Variants in TMEM132B observed in about 807,000 individuals in gnomAD.
TMEM132B encodes the protein transmembrane protein 132B.
In TMEM132B, 18 loss-of-function variants were observed where a neutral mutation model predicts 90.8. The observed-to-expected ratio is 0.20, with a 90% CI of 0.14 to 0.29. TMEM132B has a LOEUF of 0.29. TMEM132B is among the 10% of genes least tolerant of loss of function. The pLI, the probability that TMEM132B is intolerant of heterozygous loss-of-function variation, is 1.00. For missense variants in TMEM132B, 1,096 were observed against 1,326.8 expected, an observed-to-expected ratio of 0.83 and a Z score of 2.70; for synonymous variants, 504 against 523.3, an observed-to-expected ratio of 0.96 and a Z score of 0.50.
chr12:125,476,260 A>G (rs1038101352), intron 3 of TMEM132B, among the ~76,000 whole-genome samples: 3 of 152,162 alleles, frequency 2.0e-5, no homozygotes, highest in East Asian at 1.9e-4. Context: ...CACCACCTCT[A>G]TTGAGTTCCA....
intron 5 of TMEM132B, among the ~76,000 whole-genome samples, chr12:125,606,220 A>G (rs778025894): frequency 2.0e-5 from 3 of 152,308 alleles, no homozygotes; most frequent in Non-Finnish European, 4.4e-5. Context: ...ATGACTCTCC[A>G]TGAGTTAAAA....
chr12:125,510,384 A>G (rs1316737810), intron 3 of TMEM132B, among the ~76,000 whole-genome samples: 1 of 152,240 alleles, frequency 6.6e-6, no homozygotes, highest in Non-Finnish European at 1.5e-5. Context: ...AGAAGACTCT[A>G]ACATCCTTTT....
chr12:125,574,114 T>G (rs1855905571), intron 4 of TMEM132B, among the ~76,000 whole-genome samples: 1 of 152,132 alleles, frequency 6.6e-6, no homozygotes, highest in Admixed American at 6.5e-5. Context: ...ATGACCTTGT[T>G]TGGGCATCTC....
At chr12:125,497,001 G>A (rs11058207) in intron 3 of TMEM132B, among the ~76,000 whole-genome samples, 1 of 152,286 alleles carries the variant, frequency 6.6e-6, no homozygotes, top group East Asian at 1.9e-4. Flanking sequence ...CTCTAACATG[G>A]TTGATGAAAT....
intron 4 of TMEM132B, among the ~76,000 whole-genome samples, chr12:125,534,580 T>G (rs1177565205): frequency 6.6e-6 from 1 of 151,928 alleles, no homozygotes; most frequent in African/African-American, 2.4e-5. Context: ...AACAAAACAG[T>G]AAACAAAAAT....
At chr12:125,478,203 C>G (rs1312431002) in intron 3 of TMEM132B, among the ~76,000 whole-genome samples, 1 of 152,120 alleles carries the variant, frequency 6.6e-6, no homozygotes, top group Non-Finnish European at 1.5e-5. Context: ...CCAGAGCGCC[C>G]CTTCTCCTCC....
At chr12:125,212,888 T>G (rs1873351835) in intron 1 of TMEM132B, among the ~76,000 whole-genome samples, 2 of 152,180 alleles carry the variant, frequency 1.3e-5, no homozygotes, top group African/African-American at 4.8e-5. Context: ...AGGGTCTAAC[T>G]GTTTCACTTC....
chr12:125,506,054 GAT>G (rs1882841133), intron 3 of TMEM132B, among the ~76,000 whole-genome samples: 1 of 152,340 alleles, frequency 6.6e-6, no homozygotes, highest in African/African-American at 2.4e-5. Flanking sequence ...CATACAAAGA[GAT>G]ATATATGAAT....
At chr12:125,216,622 T>A (rs944295804) in intron 1 of TMEM132B, among the ~76,000 whole-genome samples, 1 of 152,188 alleles carries the variant, frequency 6.6e-6, no homozygotes, top group Non-Finnish European at 1.5e-5. Flanking sequence ...GTGGCCTGAT[T>A]CTCTCTGCTC....
intron 5 of TMEM132B, among the ~76,000 whole-genome samples, chr12:125,608,385 G>A (rs775014943): frequency 9.9e-5 from 15 of 152,122 alleles, no homozygotes; most frequent in Non-Finnish European, 1.5e-5. Flanking sequence ...TTGGAAAAAT[G>A]TCTATTGAGG....
chr12:125,546,079 A>G (rs1884082017), intron 4 of TMEM132B, among the ~76,000 whole-genome samples: 1 of 152,186 alleles, frequency 6.6e-6, no homozygotes, highest in Admixed American at 6.5e-5. Flanking sequence ...AAATAAAGAA[A>G]CAGAACATAC....
At chr12:125,191,604 C>G (rs576521745) in intron 1 of TMEM132B, among the ~76,000 whole-genome samples, 5 of 152,172 alleles carry the variant, frequency 3.3e-5, no homozygotes, top group African/African-American at 9.7e-5. Context: ...TAGCCTTTGC[C>G]GAGTCTTTCA....
intron 1 of TMEM132B, among the ~76,000 whole-genome samples, chr12:125,265,330 C>T (rs1386629477): frequency 6.8e-6 from 1 of 147,972 alleles, no homozygotes; most frequent in Non-Finnish European, 1.5e-5. Context: ...TACATACATA[C>T]CTATGATAAA....
chr12:125,536,791 T>C (rs1273912740), intron 4 of TMEM132B, among the ~76,000 whole-genome samples: 2 of 152,168 alleles, frequency 1.3e-5, no homozygotes, highest in Non-Finnish European at 2.9e-5. Context: ...CCTGTGGATA[T>C]GTTTCCTCAC....
intron 4 of TMEM132B, among the ~76,000 whole-genome samples, chr12:125,533,517 C>T (rs1592979249): frequency 6.6e-6 from 1 of 152,246 alleles, no homozygotes. Context: ...CAGAGCCCAG[C>T]AAGTCTTTCT....
At chr12:125,368,330 A>T (rs1878193367) in intron 2 of TMEM132B, among the ~76,000 whole-genome samples, 1 of 152,188 alleles carries the variant, frequency 6.6e-6, no homozygotes, top group Non-Finnish European at 1.5e-5. Flanking sequence ...GAGGTTGTGC[A>T]TAATTTTAAT....
chr12:125,532,225 C>T (rs936292205), intron 4 of TMEM132B, among the ~76,000 whole-genome samples: 1 of 152,060 alleles, frequency 6.6e-6, no homozygotes, highest in Non-Finnish European at 1.5e-5. Flanking sequence ...TAAGCAAGTT[C>T]GGGAAAGAAA....
intron 5 of TMEM132B, among the ~76,000 whole-genome samples, chr12:125,607,094 G>A (rs567245883): frequency 1.3e-5 from 2 of 152,276 alleles, no homozygotes; most frequent in African/African-American, 2.4e-5. Flanking sequence ...TACAGCCTGC[G>A]TATGCTCTGA....
At chr12:125,447,942 A>G (rs1881048712) in intron 3 of TMEM132B, among the ~76,000 whole-genome samples, 1 of 152,134 alleles carries the variant, frequency 6.6e-6, no homozygotes, top group Admixed American at 6.6e-5. Flanking sequence ...TTGAGGTATA[A>G]TTTAGATACA....
Sources: gnomAD v4.1 joint callset for allele counts (sites outside exome capture counted in the v4.1 genomes callset) on GRCh38, gnomAD v4.1.1 for gene constraint, MANE v1.5 for transcripts, NCBI Gene and HGNC (gene_info 2026-07-23, HGNC 2026-07-21) for gene names.